The following RNGTT variants were observed in gnomAD, a reference collection of about 807,000 sequenced individuals.
RNGTT encodes the protein mRNA-capping enzyme.
In RNGTT, 33 loss-of-function variants were observed where a neutral mutation model predicts 79.3. The ratio of observed to expected loss-of-function variants is 0.42; its 90% CI spans 0.32 to 0.56. The LOEUF (loss-of-function observed/expected upper bound fraction) is 0.56. Among genes scored for constraint, RNGTT ranks in the 20% least tolerant of loss-of-function variants. The pLI is 0.17. For missense variants in RNGTT, 497 were observed against 739.1 expected (o/e 0.67, Z 3.80); for synonymous variants, 222 against 235.9 (o/e 0.94, Z 0.54).
At chr6:88,854,241 A>T (rs1486855301) in intron 8 of RNGTT, among the ~76,000 whole-genome samples, 3 of 151,966 alleles carry the variant, frequency 2.0e-5, no homozygotes, top group Non-Finnish European at 4.4e-5. Flanking sequence ...ACAAATAATA[A>T]TTTTTTTAAC....
intron 6 of RNGTT, among the ~76,000 whole-genome samples, chr6:88,902,544 A>G (rs962599938): frequency 6.6e-6 from 1 of 151,374 alleles, no homozygotes; most frequent in Admixed American, 6.6e-5. Context: ...TAAAGCTGCA[A>G]TGAGCTATGA....
At chr6:88,659,452 C>T (rs1774100559) in intron 14 of RNGTT, among the ~76,000 whole-genome samples, 1 of 151,968 alleles carries the variant, frequency 6.6e-6, no homozygotes, top group Non-Finnish European at 1.5e-5. Context: ...AAAGAAAGGA[C>T]AATTACAACT....
intron 12 of RNGTT, among the ~76,000 whole-genome samples, chr6:88,773,449 A>G (rs1778766390): frequency 6.6e-6 from 1 of 151,420 alleles, no homozygotes; most frequent in Non-Finnish European, 1.5e-5. Flanking sequence ...GTGCACATGT[A>G]CCCTAAAACT....
intron 1 of RNGTT, 69 bp downstream of exon 1, chr6:88,963,277 G>A: frequency 6.6e-7 from 1 of 1,513,676 alleles, no homozygotes; most frequent in Admixed American, 1.7e-5. Flanking sequence ...CAAAAGCTGA[G>A]CTCCTCAGTC....
intron 8 of RNGTT, among the ~76,000 whole-genome samples, chr6:88,861,687 T>A (rs1267439206): frequency 1.3e-5 from 2 of 152,144 alleles, no homozygotes; most frequent in Non-Finnish European, 2.9e-5. Flanking sequence ...AAAGCAAAAT[T>A]TAAAGTAATA....
intron 14 of RNGTT, among the ~76,000 whole-genome samples, chr6:88,660,075 AT>A (rs1774123218): frequency 1.3e-5 from 2 of 152,226 alleles, no homozygotes; most frequent in African/African-American, 4.8e-5. Context: ...TGAAGGCGAG[AT>A]AGTCTGTTTT....
intron 4 of RNGTT, among the ~76,000 whole-genome samples, chr6:88,919,831 C>T (rs1784112142): frequency 6.9e-6 from 1 of 145,194 alleles, no homozygotes; most frequent in African/African-American, 2.6e-5. Flanking sequence ...CCTGGGATTA[C>T]AGGCATGCGC....
At chr6:88,717,574 A>T (rs1364113886) in intron 13 of RNGTT, among the ~76,000 whole-genome samples, 1 of 152,196 alleles carries the variant, frequency 6.6e-6, no homozygotes, top group Non-Finnish European at 1.5e-5. Flanking sequence ...GGAGCTCAGG[A>T]TCCAAGGAAC....
chr6:88,620,019 G>C (rs1747748232), intron 14 of RNGTT, among the ~76,000 whole-genome samples: 2 of 152,172 alleles, frequency 1.3e-5, no homozygotes, highest in Admixed American at 1.3e-4. Context: ...CCTACTAAAA[G>C]AAGTAAAATA....
In RNGTT at chr6:88,835,975, A is replaced by AACACACAC. The variant is rs72228554; in HGVS notation, c.1269+8374_1269+8381dup. On this transcript the variant is annotated intron_variant, in intron 11 of 15. Coordinates refer to ENST00000369485, the MANE Select transcript of RNGTT (RefSeq NM_003800.5). ...ACAGCAAGACTCTGTCTCTATTAAA[A>AACACACAC]ACACACACACACACACACACACACA... Among the ~76,000 whole-genome samples the AACACACAC allele has an allele frequency of 9.5e-3, 1,080 of 113,736 alleles. 5 individuals carry two copies. Among genetic ancestry groups the AACACACAC allele is most frequent in the African/African-American group, 0.015 (426 of 28,946 alleles). The allele number at this position is 113,736 out of a possible 152,430, so 74.6% of individuals were successfully genotyped here.
chr6:88,767,487 A>G (rs1490958099), intron 13 of RNGTT, among the ~76,000 whole-genome samples: 2 of 152,018 alleles, frequency 1.3e-5, no homozygotes, highest in Non-Finnish European at 1.5e-5. Context: ...AAGTGCCACT[A>G]AGAACTGACT....
At chr6:88,742,706 A>G (rs960505124) in intron 13 of RNGTT, among the ~76,000 whole-genome samples, 2 of 152,200 alleles carry the variant, frequency 1.3e-5, no homozygotes, top group Non-Finnish European at 2.9e-5. Context: ...ATGAATTCCA[A>G]TATTAGATTA....
intron 14 of RNGTT, among the ~76,000 whole-genome samples, chr6:88,653,131 A>G (rs1773857086): frequency 6.6e-6 from 1 of 152,156 alleles, no homozygotes; most frequent in Non-Finnish European, 1.5e-5. Context: ...TAGAAGCAAA[A>G]TACTGGTTAA....
chr6:88,936,894 G>A (rs1240009113), intron 2 of RNGTT, among the ~76,000 whole-genome samples: 1 of 152,122 alleles, frequency 6.6e-6, no homozygotes, highest in African/African-American at 2.4e-5. Flanking sequence ...TAGACTTTTT[G>A]TTGGGAAATG....
intron 13 of RNGTT, 46 bp downstream of exon 13, chr6:88,769,728 A>G (rs1413095686): frequency 3.4e-6 from 4 of 1,171,372 alleles, no homozygotes; most frequent in Non-Finnish European, 3.8e-6. Context: ...GAAGCCTTAC[A>G]CAAACAGTAT....
chr6:88,925,995 C>A (rs967556098), intron 4 of RNGTT, among the ~76,000 whole-genome samples: 1 of 152,192 alleles, frequency 6.6e-6, no homozygotes. Flanking sequence ...GGTTCTGATA[C>A]AGGCAGTCCA....
rs192755728 is a variant in RNGTT at position 88,832,634 on chromosome 6, A to G, written c.1269+11723T>C. ...GTGCACAGCAAAAGAAATTATCATCAGAATGAAGAGGAAATCTAGAGAATG... is the reference window on the plus strand; with the variant it reads ...GTGCACAGCAAAAGAAATTATCATCGGAATGAAGAGGAAATCTAGAGAATG... On this transcript the variant is annotated intron_variant, in intron 11 of 15. Coordinates refer to ENST00000369485, the MANE Select transcript of RNGTT (RefSeq NM_003800.5). Among the ~76,000 whole-genome samples, 267 of 152,348 alleles carry G rather than the reference A, an allele frequency of 1.8e-3. 2 individuals are homozygous for G. The highest frequency in any genetic ancestry group is 6.2e-3 in the African/African-American group (259 of 41,586).
intron 14 of RNGTT, among the ~76,000 whole-genome samples, chr6:88,662,777 C>T (rs930784896): frequency 2.6e-5 from 4 of 152,128 alleles, no homozygotes; most frequent in East Asian, 3.9e-4. Flanking sequence ...CAGCAGTGTG[C>T]GGCAGACCCC....
At chr6:88,840,727 A>G (rs962160681) in intron 11 of RNGTT, among the ~76,000 whole-genome samples, 1 of 152,188 alleles carries the variant, frequency 6.6e-6, no homozygotes, top group Non-Finnish European at 1.5e-5. Context: ...GAAATATCCT[A>G]TGATTTTAAG....
Sources: gnomAD v4.1 joint callset for allele counts (sites outside exome capture counted in the v4.1 genomes callset) on GRCh38, gnomAD v4.1.1 for gene constraint, MANE v1.5 for transcripts, NCBI Gene and HGNC (gene_info 2026-07-23, HGNC 2026-07-21) for gene names.